The following GALNTL6 variants were observed in gnomAD, a reference collection of about 807,000 sequenced individuals.
GALNTL6 encodes the protein polypeptide N-acetylgalactosaminyltransferase like 6, also known as polypeptide N-acetylgalactosaminyltransferase-like 6.
In GALNTL6, 46 loss-of-function variants were observed where a neutral mutation model predicts 73.7. That is an observed-to-expected ratio of 0.62 (90% CI 0.49 to 0.80). The LOEUF is 0.80. GALNTL6 is among the 30% of genes least tolerant of loss of function. The pLI, the probability that GALNTL6 is intolerant of heterozygous loss-of-function variation, is 0.00. For missense variants in GALNTL6, 604 were observed against 755.0 expected (o/e 0.80, Z 2.34); for synonymous variants, 259 against 263.7 (o/e 0.98, Z 0.17).
rs181596566 is a variant in GALNTL6, at chr4:171,877,971, T to C, written c.138+63253T>C. ...ACACTCAAATCCATTGCCTCTATCATTTTGTATTTATGTAATACTGATCAC... is the reference window on the plus strand; with the variant it reads ...ACACTCAAATCCATTGCCTCTATCACTTTGTATTTATGTAATACTGATCAC... On this transcript the variant is annotated intron_variant, in intron 2 of 12. Transcript: ENST00000506823. Among the ~76,000 whole-genome samples, 208 of 152,322 alleles carry C rather than the reference T, an allele frequency of 1.4e-3. 1 individual carries two copies. The highest frequency in any genetic ancestry group is 4.8e-3 in the African/African-American group (198 of 41,578).
chr4:172,448,614 C>T (rs1173428142), intron 5 of GALNTL6, among the ~76,000 whole-genome samples: 1 of 152,164 alleles, frequency 6.6e-6, no homozygotes, highest in Non-Finnish European at 1.5e-5. Context: ...TATTCGCTAT[C>T]TGGGGAACGC....
intron 2 of GALNTL6, among the ~76,000 whole-genome samples, chr4:172,072,247 T>TC (rs138488407): frequency 0.018 from 2,734 of 152,240 alleles, 73 homozygotes; most frequent in African/African-American, 0.059. Flanking sequence ...TTGATTTTTT[T>TC]TTTCTTTTAA....
intron 5 of GALNTL6, among the ~76,000 whole-genome samples, chr4:172,614,450 G>T (rs937831669): frequency 2.0e-5 from 3 of 152,024 alleles, no homozygotes; most frequent in Non-Finnish European, 4.4e-5. Context: ...TTTAGTAATT[G>T]TTCTATATAA....
chr4:171,997,984 C>T (rs1388468763), intron 2 of GALNTL6, among the ~76,000 whole-genome samples: 1 of 152,096 alleles, frequency 6.6e-6, no homozygotes, highest in Non-Finnish European at 1.5e-5. Flanking sequence ...GTTTATATAT[C>T]ATCCAGTGTT....
intron 2 of GALNTL6, among the ~76,000 whole-genome samples, chr4:172,104,225 G>A (rs1732611714): frequency 1.3e-5 from 2 of 152,194 alleles, no homozygotes; most frequent in African/African-American, 4.8e-5. Flanking sequence ...TTACAGGTGT[G>A]AGCCACCGTG....
At chr4:172,901,362 G>A (rs1041873912) in intron 8 of GALNTL6, among the ~76,000 whole-genome samples, 1 of 152,032 alleles carries the variant, frequency 6.6e-6, no homozygotes, top group African/African-American at 2.4e-5. Flanking sequence ...CTGTTAAATG[G>A]TAATAAAAAT....
chr4:171,859,288 G>C (rs1303504838), intron 2 of GALNTL6, among the ~76,000 whole-genome samples: 1 of 152,104 alleles, frequency 6.6e-6, no homozygotes, highest in Non-Finnish European at 1.5e-5. Context: ...TATGCTTATT[G>C]TGTTATTTAT....
chr4:172,296,959 T>C, intron 3 of GALNTL6, among the ~76,000 whole-genome samples: 1 of 152,164 alleles, frequency 6.6e-6, no homozygotes, highest in East Asian at 1.9e-4. Context: ...CAGTGGTTGA[T>C]CTAGTTTACA....
chr4:172,692,527 A>G (rs1363807825), intron 5 of GALNTL6, among the ~76,000 whole-genome samples: 2 of 152,132 alleles, frequency 1.3e-5, no homozygotes, highest in Non-Finnish European at 1.5e-5. Flanking sequence ...TTTTAATATT[A>G]TGTGTGAAAA....
chr4:172,800,725 TG>T (rs1227954578), intron 5 of GALNTL6, among the ~76,000 whole-genome samples: 1 of 152,162 alleles, frequency 6.6e-6, no homozygotes, highest in African/African-American at 2.4e-5. Flanking sequence ...TGATTGATTA[TG>T]GTAAGTTCAA....
chr4:172,150,737 GT>G (rs1408732741), intron 2 of GALNTL6, among the ~76,000 whole-genome samples: 1 of 152,060 alleles, frequency 6.6e-6, no homozygotes, highest in African/African-American at 2.4e-5. Flanking sequence ...ATCAGTGGAG[GT>G]ATACGACATA....
At chr4:172,318,928 A>G (rs1005562854) in intron 4 of GALNTL6, among the ~76,000 whole-genome samples, 1 of 152,156 alleles carries the variant, frequency 6.6e-6, no homozygotes, top group Non-Finnish European at 1.5e-5. Flanking sequence ...TAAAACTGAA[A>G]GCGTAGGTTT....
At chr4:172,201,783 G>A (rs1735965732) in intron 2 of GALNTL6, among the ~76,000 whole-genome samples, 1 of 152,128 alleles carries the variant, frequency 6.6e-6, no homozygotes, top group Non-Finnish European at 1.5e-5. Flanking sequence ...TGCCTTAATT[G>A]TGCTGGTAAT....
At chr4:172,278,626 C>A (rs572752896) in intron 3 of GALNTL6, among the ~76,000 whole-genome samples, 1 of 152,202 alleles carries the variant, frequency 6.6e-6, no homozygotes, top group African/African-American at 2.4e-5. Context: ...TTTCCAGTAA[C>A]TTCCTGAGAA....
intron 7 of GALNTL6, among the ~76,000 whole-genome samples, chr4:172,875,463 A>G (rs1297280756): frequency 6.6e-6 from 1 of 152,194 alleles, no homozygotes; most frequent in East Asian, 1.9e-4. Context: ...TGGACAGGAA[A>G]TGACTTAAGA....
chr4:172,890,991 T>A (rs1456195925), intron 8 of GALNTL6, among the ~76,000 whole-genome samples: 1 of 152,198 alleles, frequency 6.6e-6, no homozygotes, highest in East Asian at 1.9e-4. Flanking sequence ...CTGTTTTATC[T>A]GAAGAATAGT....
intron 2 of GALNTL6, among the ~76,000 whole-genome samples, chr4:172,148,557 T>C (rs1733987075): frequency 6.6e-6 from 1 of 152,226 alleles, no homozygotes; most frequent in Non-Finnish European, 1.5e-5. Flanking sequence ...CTAAGAATTT[T>C]ACAAGCCTTA....
intron 5 of GALNTL6, among the ~76,000 whole-genome samples, chr4:172,389,789 A>G (rs1052270992): frequency 6.6e-6 from 1 of 152,150 alleles, no homozygotes; most frequent in Non-Finnish European, 1.5e-5. Context: ...TATATGCTTA[A>G]TATTTTCTTA....
intron 2 of GALNTL6, among the ~76,000 whole-genome samples, chr4:172,093,891 T>G (rs1420118986): frequency 1.3e-5 from 2 of 152,156 alleles, no homozygotes; most frequent in Admixed American, 1.3e-4. Flanking sequence ...CTCCCACTGA[T>G]TCTGCATTAT....
Sources: allele counts gnomAD v4.1 joint callset (sites outside exome capture counted in the v4.1 genomes callset), GRCh38; gene constraint gnomAD v4.1.1; transcripts MANE v1.5; gene names NCBI Gene and HGNC (gene_info 2026-07-23, HGNC 2026-07-21).